NID1: variants seen among roughly 807,000 people sequenced by gnomAD.
The protein encoded by NID1 is nidogen-1.
NID1 carries 76 observed loss-of-function variants against 130.6 expected under a neutral mutation model. That is an observed-to-expected ratio of 0.58 (90% CI 0.48 to 0.70). The LOEUF is 0.70. Among genes scored for constraint, NID1 ranks in the 30% least tolerant of loss-of-function variants. The pLI, the probability that NID1 is intolerant of heterozygous loss-of-function variation, is 0.00. For missense variants in NID1, 1,517 were observed against 1,664.8 expected, an observed-to-expected ratio of 0.91 and a Z score of 1.54; for synonymous variants, 665 against 675.1, an observed-to-expected ratio of 0.98 and a Z score of 0.23.
chr1:236,061,435 C>T (rs143549066), intron 1 of NID1, among the ~76,000 whole-genome samples: 1 of 152,262 alleles, frequency 6.6e-6, no homozygotes, highest in African/African-American at 2.4e-5. Context: ...GTGAAAAATA[C>T]AGCTTCGTTT....
intron 1 of NID1, among the ~76,000 whole-genome samples, chr1:236,058,617 C>T (rs887256886): frequency 2.4e-4 from 37 of 152,128 alleles, no homozygotes; most frequent in Admixed American, 1.8e-3. Flanking sequence ...CATGAATCAC[C>T]GGAGAAAGTC....
chr1:236,034,245 A>T (rs1659179110), intron 5 of NID1, among the ~76,000 whole-genome samples: 1 of 152,036 alleles, frequency 6.6e-6, no homozygotes, highest in Non-Finnish European at 1.5e-5. Flanking sequence ...ACATGGTGAA[A>T]CCCCGTCTCT....
chr1:235,998,979 G>A (rs554883176), intron 12 of NID1, among the ~76,000 whole-genome samples: 3 of 152,306 alleles, frequency 2.0e-5, no homozygotes, highest in African/African-American at 7.2e-5. Context: ...AGGTCTCTGG[G>A]TTTGTGGTCT....
chr1:236,057,119 C>T (rs1659917250), intron 1 of NID1, among the ~76,000 whole-genome samples: 1 of 151,870 alleles, frequency 6.6e-6, no homozygotes, highest in South Asian at 2.1e-4. Context: ...ATTAGCCAGG[C>T]GTGGTGGTGG....
chr1:235,994,329 A>G (rs1368370130), intron 12 of NID1, among the ~76,000 whole-genome samples: 1 of 152,026 alleles, frequency 6.6e-6, no homozygotes, highest in African/African-American at 2.4e-5. Flanking sequence ...AGCCCAGGTA[A>G]TTTTGTATTT....
chr1:236,054,748 T>G (rs1459666830), intron 1 of NID1, among the ~76,000 whole-genome samples: 1 of 151,550 alleles, frequency 6.6e-6, no homozygotes, highest in African/African-American at 2.4e-5. Flanking sequence ...TTCAAGCAAT[T>G]CTCCTGCCTC....
chr1:236,017,591 G>A (rs1301988032), intron 9 of NID1, among the ~76,000 whole-genome samples: 1 of 152,046 alleles, frequency 6.6e-6, no homozygotes, highest in Non-Finnish European at 1.5e-5. Context: ...TCAGCATGTT[G>A]GCCAGGCTGG....
rs368254982 is a variant in NID1, at chr1:236,026,046, T to C, written c.1834A>G (p.Thr612Ala). ...SRIYTYQWRQ[T>A]ITFQECVHDD... Reference sequence around the variant, plus strand: ...TGGACGCATTCCTGGAAGGTGATGGTCTGGCGCCACTGGTAAGTGTAGATG... The same window carrying C: ...TGGACGCATTCCTGGAAGGTGATGGCCTGGCGCCACTGGTAAGTGTAGATG... Residue 612 changes from threonine (T) to alanine (A), a missense_variant, in exon 8 of 20, where the codon ACC becomes GCC. Thr to Ala is a moderately conservative substitution (Grantham distance 58). Transcript: ENST00000264187. 4.3e-6 allele frequency: 7 copies of C among 1,612,812 alleles called. No individual in the cohort carries two copies. The highest frequency in any genetic ancestry group is 5.9e-6 in the Non-Finnish European group (7 of 1,179,926).
chr1:236,061,933 G>A (rs1660047348), intron 1 of NID1, among the ~76,000 whole-genome samples: 2 of 152,112 alleles, frequency 1.3e-5, no homozygotes, highest in African/African-American at 4.8e-5. Flanking sequence ...AAGAAATGTT[G>A]GTGAGGACGT....
intron 9 of NID1, among the ~76,000 whole-genome samples, chr1:236,022,220 T>C (rs1030244116): frequency 1.3e-5 from 2 of 151,980 alleles, no homozygotes; most frequent in Admixed American, 1.3e-4. Flanking sequence ...TGAGCCAAGA[T>C]TGTGCCACTG....
At chr1:236,022,491 C>T (rs1572601518) in intron 9 of NID1, among the ~76,000 whole-genome samples, 1 of 151,316 alleles carries the variant, frequency 6.6e-6, no homozygotes, top group East Asian at 2.0e-4. Context: ...CAGACACCTG[C>T]CACCATGCTT....
intron 1 of NID1, among the ~76,000 whole-genome samples, chr1:236,053,454 C>T (rs1286930399): frequency 6.6e-6 from 1 of 152,158 alleles, no homozygotes; most frequent in African/African-American, 2.4e-5. Context: ...AGCACGCCCC[C>T]GCCCAACCCC....
intron 2 of NID1, among the ~76,000 whole-genome samples, 154 bp from the exon 3 acceptor site, chr1:236,045,837 T>C (rs1050096233): frequency 1.3e-5 from 2 of 152,236 alleles, no homozygotes; most frequent in African/African-American, 4.8e-5. Flanking sequence ...AGCAAGAACC[T>C]AGGATTCTGG....
chr1:235,979,192 G>A lies in NID1; in HGVS notation c.3510-85C>T. On this transcript the variant is annotated intron_variant, in intron 18 of 19. Transcript: ENST00000264187. The surrounding 1 kb of genome is among the most constrained non-coding windows in gnomAD (Gnocchi z 4.6). ...AACAAGGCAGCCTCTTTGTCATTTT[G>A]AGGATAAACTGGAGGCCATAAACAG... The A allele has an allele frequency of 1.2e-6, 1 of 862,846 alleles. No individual in the cohort carries two copies. The highest frequency in any genetic ancestry group is 1.9e-6 in the Non-Finnish European group (1 of 521,986). 53.4% of individuals were successfully genotyped at this position (862,846 alleles called of 1,614,324 possible).
intron 7 of NID1, 25 bp from the exon 8 acceptor site, chr1:236,026,166 G>T (rs1414051128): frequency 1.2e-6 from 2 of 1,610,364 alleles, no homozygotes; most frequent in East Asian, 4.5e-5. Flanking sequence ...GGATGGAGGG[G>T]ACAAGGCAGG....
intron 9 of NID1, among the ~76,000 whole-genome samples, chr1:236,023,045 C>G (rs1480136489): frequency 1.5e-5 from 2 of 135,836 alleles, no homozygotes; most frequent in Non-Finnish European, 3.1e-5. Flanking sequence ...AGCGACACAG[C>G]AAGACGCCAT....
Position 236,038,236 on chromosome 1 carries a change from C to T in NID1, c.1153G>A (p.Asp385Asn), listed in dbSNP as rs1171987848. ...ETGVVFSYNT[D>N]SRQTCANNRH... ...TTGTTAGCACACGTCTGGCGGGAATCCGTGTTATAGCTGAAAACTGGTCCA... is the reference window on the plus strand; with the variant it reads ...TTGTTAGCACACGTCTGGCGGGAATTCGTGTTATAGCTGAAAACTGGTCCA... Residue 385 changes from aspartate (D) to asparagine (N), a missense_variant, in exon 5 of 20, where the codon GAT (aspartate) becomes AAT (asparagine). Coordinates refer to ENST00000264187, the MANE Select transcript of NID1 (RefSeq NM_002508.3). The T allele has an allele frequency of 6.2e-7, 1 of 1,612,890 alleles. No homozygotes were observed. Among genetic ancestry groups the T allele is most frequent in the Non-Finnish European group, 8.5e-7 (1 of 1,179,158 alleles).
At chr1:236,035,853 AG>A (rs1283481005) in intron 5 of NID1, among the ~76,000 whole-genome samples, 2 of 152,234 alleles carry the variant, frequency 1.3e-5, no homozygotes, top group Admixed American at 1.3e-4. Context: ...CAGCGCAAAA[AG>A]GTATCCCAAG....
chr1:236,037,996 T>G (rs1384670276), intron 5 of NID1, 108 bp downstream of exon 5: 1 of 1,313,102 alleles, frequency 7.6e-7, no homozygotes, highest in East Asian at 2.5e-5. Context: ...TAAGAAAAAC[T>G]CTACACACCT....
Sources: allele counts gnomAD v4.1 joint callset (sites outside exome capture counted in the v4.1 genomes callset), GRCh38; gene constraint gnomAD v4.1.1; non-coding constraint Gnocchi (gnomAD v3.1); transcripts MANE v1.5; gene names NCBI Gene and HGNC (gene_info 2026-07-23, HGNC 2026-07-21).